PRKN: variants seen among roughly 807,000 people sequenced by gnomAD.
PRKN encodes E3 ubiquitin-protein ligase parkin.
A neutral mutation model predicts 59.5 loss-of-function variants in PRKN; 56 were observed. That is an observed-to-expected ratio of 0.94 (90% CI 0.76 to 1.18). The LOEUF is 1.18. Ranked by LOEUF, PRKN falls within the 50% of genes most tolerant of loss-of-function variation. PRKN has a pLI of 0.00. For missense variants in PRKN, 657 were observed against 596.4 expected (o/e 1.10, Z -1.06); for synonymous variants, 250 against 222.1 (o/e 1.13, Z -1.12).
rs1267630174 is a variant in PRKN at position 161,354,386 on chromosome 6, A to G, written c.1286-4175T>C. Among the ~76,000 whole-genome samples the G allele has an allele frequency of 1.3e-5, 2 of 152,170 alleles. No homozygotes were observed. Among genetic ancestry groups the G allele is most frequent in the Non-Finnish European group, 1.5e-5 (1 of 68,034 alleles). On this transcript the variant is annotated intron_variant, in intron 11 of 11. Transcript: ENST00000366898. This position sits in a 1 kb window ranked among gnomAD's most constrained non-coding sequence, Gnocchi z 6.7. ...ACTCAAACCATGAAAAGCTCAGCCTACGCCGGGCAGTCGACATCGTGGCTC... is the reference window on the plus strand; with the variant it reads ...ACTCAAACCATGAAAAGCTCAGCCTGCGCCGGGCAGTCGACATCGTGGCTC...
intron 1 of PRKN, among the ~76,000 whole-genome samples, chr6:162,447,767 A>G (rs11759920): frequency 0.46 from 70,062 of 151,742 alleles, 16,772 homozygotes; most frequent in East Asian, 0.59. Flanking sequence ...TCAAGCAGCC[A>G]TTCCGCCTCC....
At chr6:161,421,167 G>T (rs1012863034) in intron 9 of PRKN, among the ~76,000 whole-genome samples, 2 of 152,142 alleles carry the variant, frequency 1.3e-5, no homozygotes, top group Non-Finnish European at 2.9e-5. Context: ...GCACTCGAGG[G>T]CCCATACCCC....
chr6:162,396,606 G>A (rs1000304392), intron 2 of PRKN, among the ~76,000 whole-genome samples: 2 of 152,232 alleles, frequency 1.3e-5, no homozygotes, highest in Admixed American at 1.3e-4. Context: ...GACCCACTCT[G>A]GACCCGTCGC....
chr6:161,979,846 C>T (rs1010818454), intron 5 of PRKN, among the ~76,000 whole-genome samples: 9 of 152,128 alleles, frequency 5.9e-5, no homozygotes, highest in Admixed American at 2.0e-4. Context: ...GAAGCCACTC[C>T]TGCTCACTTA....
intron 7 of PRKN, among the ~76,000 whole-genome samples, chr6:161,647,172 C>T (rs970442678): frequency 3.9e-5 from 6 of 152,144 alleles, no homozygotes; most frequent in African/African-American, 9.7e-5. Context: ...AGTGATTCAC[C>T]GAACCCTTCC....
At chr6:161,866,262 AAG>A (rs199630966) in intron 6 of PRKN, among the ~76,000 whole-genome samples, 2,963 of 152,178 alleles carry the variant, frequency 0.019, 112 homozygotes, top group African/African-American at 0.068. Context: ...AATAATGAAA[AAG>A]TTAAATATTG....
chr6:161,630,548 A>T (rs17653033), intron 7 of PRKN, among the ~76,000 whole-genome samples: 42,727 of 152,100 alleles, frequency 0.28, 6,654 homozygotes, highest in Middle Eastern at 0.43. Context: ...CAAGAATTAC[A>T]TTGTTTTAAG....
chr6:161,606,542 T>A (rs1200532559), intron 7 of PRKN, among the ~76,000 whole-genome samples: 3 of 152,084 alleles, frequency 2.0e-5, no homozygotes, highest in Non-Finnish European at 4.4e-5. Context: ...GGGAAATAAA[T>A]CTATAAGGAC....
At position 161,401,007 on chromosome 6, in the gene PRKN, A is replaced by T. The variant is rs1020294580; in HGVS notation, c.1084-14130T>A. Among the ~76,000 whole-genome samples the T allele has an allele frequency of 3.3e-5, 5 of 152,186 alleles. No individual in the cohort carries two copies. Among genetic ancestry groups the T allele is most frequent in the African/African-American group, 1.2e-4 (5 of 41,430 alleles). The stretch of plus-strand genomic sequence containing the variant: ...TGATCAGAGTACACTGCAAACAAAC[A>T]TCTGTTTCTGATGGCTGCAGCACCA... On this transcript the variant is annotated intron_variant, in intron 9 of 11. Transcript: ENST00000366898. The surrounding 1 kb of genome is among the most constrained non-coding windows in gnomAD (Gnocchi z 4.4).
chr6:161,881,277 C>A (rs1794925430), intron 6 of PRKN, among the ~76,000 whole-genome samples: 1 of 152,220 alleles, frequency 6.6e-6, no homozygotes, highest in African/African-American at 2.4e-5. Context: ...GGAATCCAAT[C>A]CGGGTTTGCC....
chr6:162,105,786 A>T (rs1213130390), intron 4 of PRKN, among the ~76,000 whole-genome samples: 1 of 152,238 alleles, frequency 6.6e-6, no homozygotes, highest in African/African-American at 2.4e-5. Flanking sequence ...ACAATAGAGC[A>T]GTAAAAGAAA....
chr6:161,759,340 T>A (rs6455769), intron 7 of PRKN, among the ~76,000 whole-genome samples: 1 of 151,970 alleles, frequency 6.6e-6, no homozygotes. Context: ...CTAGGTCAGT[T>A]GGTAGAATGC....
intron 1 of PRKN, among the ~76,000 whole-genome samples, chr6:162,463,151 C>A (rs1326497078): frequency 6.6e-6 from 1 of 152,112 alleles, no homozygotes; most frequent in Non-Finnish European, 1.5e-5. Flanking sequence ...TACAAAGGGT[C>A]TGCTTGAGTT....
At chr6:161,945,651 T>C (rs1238069866) in intron 6 of PRKN, among the ~76,000 whole-genome samples, 1 of 152,214 alleles carries the variant, frequency 6.6e-6, no homozygotes, top group African/African-American at 2.4e-5. Context: ...CAAACTGTGG[T>C]TTGTTGCCTG....
At chr6:162,375,483 A>G (rs1383896114) in intron 2 of PRKN, among the ~76,000 whole-genome samples, 1 of 151,618 alleles carries the variant, frequency 6.6e-6, no homozygotes, top group African/African-American at 2.4e-5. Context: ...CATGTGTCAT[A>G]GACTGCATGG....
intron 1 of PRKN, among the ~76,000 whole-genome samples, chr6:162,651,766 G>A (rs930309209): frequency 6.6e-6 from 1 of 152,096 alleles, no homozygotes; most frequent in African/African-American, 2.4e-5. Context: ...TGCTGGTGCT[G>A]ACATATGTGA....
chr6:161,815,715 GGGA>G (rs1791747490), intron 6 of PRKN, among the ~76,000 whole-genome samples: 1 of 152,184 alleles, frequency 6.6e-6, no homozygotes, highest in Admixed American at 6.5e-5. Flanking sequence ...GGTTCAGGGA[GGGA>G]GACCCCAGCG....
At chr6:162,039,747 T>G (rs1783991079) in intron 5 of PRKN, among the ~76,000 whole-genome samples, 2 of 152,238 alleles carry the variant, frequency 1.3e-5, no homozygotes, top group Non-Finnish European at 2.9e-5. Flanking sequence ...TGTCTGTTGC[T>G]AATTTGAGCC....
chr6:161,477,874 T>C (rs1328108443), intron 9 of PRKN, among the ~76,000 whole-genome samples: 1 of 151,978 alleles, frequency 6.6e-6, no homozygotes, highest in Non-Finnish European at 1.5e-5. Context: ...CCTGGCAGGA[T>C]GGAATAGAGA....
Sources: allele counts gnomAD v4.1 joint callset (sites outside exome capture counted in the v4.1 genomes callset), GRCh38; gene constraint gnomAD v4.1.1; non-coding constraint Gnocchi (gnomAD v3.1); transcripts MANE v1.5; gene names NCBI Gene and HGNC (gene_info 2026-07-23, HGNC 2026-07-21).